Variants in ADAMTSL1 observed in about 807,000 individuals in gnomAD.
ADAMTSL1 encodes the protein ADAMTS-like protein 1.
Under a neutral mutation model 201.8 loss-of-function variants are expected in ADAMTSL1, and 126 were observed. The ratio of observed to expected loss-of-function variants is 0.62; its 90% CI spans 0.54 to 0.72. ADAMTSL1 has a LOEUF of 0.72. ADAMTSL1 is among the 30% of genes least tolerant of loss of function. ADAMTSL1 has a pLI of 0.00. For synonymous variants in ADAMTSL1, 1,121 were observed against 903.4 expected (o/e 1.24, Z -4.32); for missense variants, 2,679 against 2,277.8 (o/e 1.18, Z -3.59).
intron 4 of ADAMTSL1, among the ~76,000 whole-genome samples, chr9:18,581,897 C>T (rs1214255112): frequency 6.6e-6 from 1 of 152,190 alleles, no homozygotes; most frequent in East Asian, 1.9e-4. Context: ...TCAGCCCAGG[C>T]TTCTGCATCT....
At position 18,291,747 on chromosome 9, in the gene ADAMTSL1, T is replaced by TCACA. The variant is rs368988848; in HGVS notation, c.207+127795_207+127798dup. 2.6e-3 allele frequency among the ~76,000 whole-genome samples: 258 copies of TCACA among 99,866 alleles called. 3 individuals carry two copies. The highest frequency in any genetic ancestry group is 0.02 in the East Asian group (65 of 3,308). 65.5% of individuals were successfully genotyped at this position (99,866 alleles called of 152,430 possible). On this transcript the variant is annotated intron_variant, in intron 2 of 29. Transcript: ENST00000680146. ...CTCTCTCTCTCTCTCTCTCTCTCTC[T>TCACA]CACACACACACACACACACACACAC...
At chr9:18,268,579 A>G (rs941827126) in intron 2 of ADAMTSL1, among the ~76,000 whole-genome samples, 2 of 152,010 alleles carry the variant, frequency 1.3e-5, no homozygotes. Context: ...ATTTCTCTAG[A>G]CTCCGGGGAA....
intron 2 of ADAMTSL1, among the ~76,000 whole-genome samples, chr9:18,391,565 A>T (rs998747142): frequency 1.4e-4 from 21 of 152,116 alleles, no homozygotes; most frequent in African/African-American, 5.1e-4. Flanking sequence ...CTTGCCTCAG[A>T]TATCAGTAAC....
chr9:18,399,620 G>A (rs1007311748), intron 2 of ADAMTSL1, among the ~76,000 whole-genome samples: 2 of 151,552 alleles, frequency 1.3e-5, no homozygotes, highest in Admixed American at 6.6e-5. Flanking sequence ...GAAAGTGCTG[G>A]GATTACAGGC....
intron 1 of ADAMTSL1, among the ~76,000 whole-genome samples, chr9:18,000,854 G>A (rs1479720322): frequency 6.6e-6 from 1 of 151,910 alleles, no homozygotes; most frequent in Non-Finnish European, 1.5e-5. Flanking sequence ...TCTCTTCTGG[G>A]GTAAAACAAC....
At chr9:18,188,820 A>T (rs763714643) in intron 2 of ADAMTSL1, among the ~76,000 whole-genome samples, 2 of 152,174 alleles carry the variant, frequency 1.3e-5, no homozygotes, top group Non-Finnish European at 1.5e-5. Context: ...GATGATGATG[A>T]TTAATTTGCT....
chr9:18,736,071 C>T (rs1818486860), intron 15 of ADAMTSL1, among the ~76,000 whole-genome samples: 1 of 152,030 alleles, frequency 6.6e-6, no homozygotes, highest in Non-Finnish European at 1.5e-5. Context: ...CAGAAGGAAA[C>T]TGATATAAAC....
chr9:18,538,614 G>A (rs1819940847), intron 3 of ADAMTSL1, among the ~76,000 whole-genome samples: 1 of 152,168 alleles, frequency 6.6e-6, no homozygotes, highest in South Asian at 2.1e-4. Flanking sequence ...TCAGAGCAAA[G>A]AGAGTCAATG....
chr9:18,683,597 G>A (rs542723579), intron 12 of ADAMTSL1, among the ~76,000 whole-genome samples: 4 of 152,284 alleles, frequency 2.6e-5, no homozygotes, highest in Non-Finnish European at 5.9e-5. Context: ...GTGTTGCTGT[G>A]TTTAAAATGT....
rs191265513 is a variant in ADAMTSL1, at chr9:18,076,933, C to T, written c.88-86929C>T. Among the ~76,000 whole-genome samples the T allele has an allele frequency of 8.2e-4, 125 of 152,062 alleles. 1 individual carries two copies. The Middle Eastern group carries it at 0.017, about 21-fold the overall frequency. On this transcript the variant is annotated intron_variant, in intron 1 of 29. Coordinates refer to the ADAMTSL1 transcript ENST00000680146. ...GTAGTAGAGATGACAAGAAATGGACCGATTGAATGTATACTTGGAATTACA... is the reference window on the plus strand; with the variant it reads ...GTAGTAGAGATGACAAGAAATGGACTGATTGAATGTATACTTGGAATTACA...
At chr9:18,688,689 A>AAAAAATATATATATATATATATATATAT (rs1554730404) in intron 13 of ADAMTSL1, among the ~76,000 whole-genome samples, 1 of 8,650 alleles carries the variant, frequency 1.2e-4, no homozygotes, top group Non-Finnish European at 2.2e-4. Context: ...AAAAAAAAAA[A>AAAAAATATATATATATATATATATATAT]ATATATATAT....
chr9:18,157,384 T>G (rs747221022), intron 1 of ADAMTSL1, among the ~76,000 whole-genome samples: 1 of 150,428 alleles, frequency 6.6e-6, no homozygotes, highest in Non-Finnish European at 1.5e-5. Context: ...AATGATAAAG[T>G]AGGTATGCCT....
intron 4 of ADAMTSL1, among the ~76,000 whole-genome samples, chr9:18,584,486 T>C (rs534402996): frequency 1.3e-5 from 2 of 152,344 alleles, no homozygotes; most frequent in African/African-American, 4.8e-5. Context: ...CTGAAAGTTC[T>C]ACTTTCCACT....
At chr9:18,609,564 A>G (rs1256108915) in intron 4 of ADAMTSL1, among the ~76,000 whole-genome samples, 1 of 152,150 alleles carries the variant, frequency 6.6e-6, no homozygotes, top group African/African-American at 2.4e-5. Context: ...GCTGAAATAG[A>G]TCTGAGCTTT....
At chr9:18,891,460 G>C (rs1482034615) in intron 25 of ADAMTSL1, among the ~76,000 whole-genome samples, 3 of 152,162 alleles carry the variant, frequency 2.0e-5, no homozygotes, top group Non-Finnish European at 4.4e-5. Context: ...AATTACCACA[G>C]GGTGCACACA....
At chr9:18,246,903 CT>C (rs1831275043) in intron 2 of ADAMTSL1, among the ~76,000 whole-genome samples, 1 of 152,116 alleles carries the variant, frequency 6.6e-6, no homozygotes, top group Non-Finnish European at 1.5e-5. Context: ...GATTTTCTGA[CT>C]GATAAATGCA....
intron 1 of ADAMTSL1, among the ~76,000 whole-genome samples, chr9:18,082,422 C>G (rs1397609940): frequency 6.6e-6 from 1 of 152,190 alleles, no homozygotes; most frequent in Non-Finnish European, 1.5e-5. Flanking sequence ...AGTGATTCTT[C>G]TGCCTCAGCC....
chr9:18,031,616 A>G (rs1026194347), intron 1 of ADAMTSL1, among the ~76,000 whole-genome samples: 2 of 152,074 alleles, frequency 1.3e-5, no homozygotes, highest in African/African-American at 4.8e-5. Context: ...GGAAGGGGAG[A>G]TGGGAGGGTG....
At chr9:18,595,366 G>A (rs532977595) in intron 4 of ADAMTSL1, among the ~76,000 whole-genome samples, 376 of 152,288 alleles carry the variant, frequency 2.5e-3, no homozygotes, top group African/African-American at 8.8e-3. Context: ...CTGCACAGAC[G>A]GGAGAGTTCC....
Sources: allele counts gnomAD v4.1 joint callset (sites outside exome capture counted in the v4.1 genomes callset), GRCh38; gene constraint gnomAD v4.1.1; transcripts MANE v1.5; gene names NCBI Gene and HGNC (gene_info 2026-07-23, HGNC 2026-07-21).